Variants in PTPRD observed in about 807,000 individuals in gnomAD.
The protein encoded by PTPRD is protein tyrosine phosphatase receptor type D, also known as receptor-type tyrosine-protein phosphatase delta.
A neutral mutation model predicts 214.5 loss-of-function variants in PTPRD; 34 were observed. The ratio of observed to expected loss-of-function variants is 0.16; its 90% CI spans 0.12 to 0.21. The LOEUF is 0.21. Ranked by LOEUF, PTPRD falls within the 10% of genes least tolerant of loss-of-function variation. PTPRD has a pLI of 1.00. For synonymous variants in PTPRD, 1,128 were observed against 845.7 expected (o/e 1.33, Z -5.79); for missense variants, 2,545 against 2,398.7 (o/e 1.06, Z -1.27).
intron 12 of PTPRD, among the ~76,000 whole-genome samples, chr9:8,647,809 T>C (rs940564702): frequency 3.3e-5 from 5 of 152,238 alleles, no homozygotes; most frequent in African/African-American, 1.2e-4. Context: ...TCATTGGCCA[T>C]ATTTTTATCC....
chr9:9,686,588 G>T (rs1229874975), intron 7 of PTPRD, among the ~76,000 whole-genome samples: 1 of 151,602 alleles, frequency 6.6e-6, no homozygotes, highest in Non-Finnish European at 1.5e-5. Context: ...GGCAGCAGGA[G>T]AGAGACTTTT....
At chr9:9,175,688 T>G (rs1283006569) in intron 10 of PTPRD, among the ~76,000 whole-genome samples, 2 of 135,504 alleles carry the variant, frequency 1.5e-5, no homozygotes, top group Non-Finnish European at 3.2e-5. Context: ...GACTCAAAAA[T>G]ATACTATTTG....
At chr9:8,858,796 A>AACAC (rs71317379) in intron 11 of PTPRD, among the ~76,000 whole-genome samples, 24,154 of 141,594 alleles carry the variant, frequency 0.17, 2,072 homozygotes, top group South Asian at 0.27. Flanking sequence ...TGAAGGAGGC[A>AACAC]ACACACACAC....
At chr9:8,766,559 G>T (rs190119173) in intron 11 of PTPRD, among the ~76,000 whole-genome samples, 1 of 152,000 alleles carries the variant, frequency 6.6e-6, no homozygotes, top group Non-Finnish European at 1.5e-5. Flanking sequence ...ACAAATACAC[G>T]ACAATAAACA....
intron 5 of PTPRD, among the ~76,000 whole-genome samples, chr9:9,882,503 C>T (rs1311727055): frequency 1.3e-5 from 2 of 152,004 alleles, no homozygotes; most frequent in East Asian, 3.9e-4. Context: ...TATAAAAGGG[C>T]TCTACTTTAG....
At chr9:9,043,274 C>G (rs778313016) in intron 10 of PTPRD, among the ~76,000 whole-genome samples, 1 of 152,108 alleles carries the variant, frequency 6.6e-6, no homozygotes, top group Non-Finnish European at 1.5e-5. Flanking sequence ...AACATCTTGT[C>G]TTATATTAAC....
chr9:9,369,004 A>G (rs1027932632), intron 9 of PTPRD, among the ~76,000 whole-genome samples: 17 of 152,092 alleles, frequency 1.1e-4, no homozygotes, highest in South Asian at 4.1e-4. Flanking sequence ...GAGTGAGAAC[A>G]TGCGGTGTTT....
chr9:9,801,958 G>T (rs2099043340), intron 5 of PTPRD, among the ~76,000 whole-genome samples: 1 of 152,056 alleles, frequency 6.6e-6, no homozygotes, highest in African/African-American at 2.4e-5. Flanking sequence ...CAAGAATGGA[G>T]TCAGCTTGGA....
chr9:10,448,405 A>G (rs888434261), intron 2 of PTPRD, among the ~76,000 whole-genome samples: 1 of 151,982 alleles, frequency 6.6e-6, no homozygotes, highest in Non-Finnish European at 1.5e-5. Flanking sequence ...AATGGCTCCA[A>G]TGGCTCCTGC....
chr9:8,528,551 A>C, intron 15 of PTPRD, 40 bp downstream of exon 15: 6 of 1,540,644 alleles, frequency 3.9e-6, no homozygotes, highest in Non-Finnish European at 5.3e-6. Context: ...TAAAAAAAAA[A>C]ATTCTCTAGG....
chr9:9,581,126 G>A (rs139199047), intron 7 of PTPRD, among the ~76,000 whole-genome samples: 1,618 of 152,150 alleles, frequency 0.011, 17 homozygotes, highest in Non-Finnish European at 0.016. Flanking sequence ...TTATAGATCT[G>A]TAAGAATAGT....
At chr9:9,986,603 G>T (rs1023932828) in intron 4 of PTPRD, among the ~76,000 whole-genome samples, 1 of 151,972 alleles carries the variant, frequency 6.6e-6, no homozygotes, top group African/African-American at 2.4e-5. Context: ...CTTAATATGT[G>T]CATATATTAC....
Position 8,316,675 on chromosome 9 carries a change from GACTAACAA to G in PTPRD, c.*1191_*1198del. ...AAATATTGAACTTTGTTGGAAGCCT[GACTAACAA>G]ACAAACAAAACAATTTGTGGATGTG... On this transcript the variant is annotated 3_prime_UTR_variant, in exon 46 of 46. Transcript: ENST00000381196. 4.3e-6 allele frequency: 1 copy of G among 230,910 alleles called. No homozygotes were observed. Among genetic ancestry groups the G allele is most frequent in the Non-Finnish European group, 8.6e-6 (1 of 116,422 alleles). 14.3% of individuals were successfully genotyped at this position (230,910 alleles called of 1,614,324 possible). A position where few individuals can be genotyped will look rare whatever the true frequency, so the allele number is the denominator to read the frequency against.
At chr9:9,663,495 C>G (rs985650142) in intron 7 of PTPRD, among the ~76,000 whole-genome samples, 1 of 151,352 alleles carries the variant, frequency 6.6e-6, no homozygotes, top group African/African-American at 2.4e-5. Context: ...TTTTGTCTGT[C>G]TTCTCATTGG....
chr9:9,941,094 T>C lies in PTPRD; in HGVS notation c.-471-2484A>G, dbSNP rs540583359. Among the ~76,000 whole-genome samples the C allele has an allele frequency of 7.2e-5, 11 of 152,256 alleles. No homozygotes were observed. In the South Asian group the frequency reaches 1.7e-3, roughly 23 times the overall value. ...AAAAGAAAATTCCAAAAAAATCTCA[T>C]GTTTTCTCATGTTTTAAGAAAATTT... is the stretch of plus-strand genomic sequence containing the variant. On this transcript the variant is annotated intron_variant, in intron 4 of 45. Coordinates refer to ENST00000381196, the MANE Select transcript of PTPRD (RefSeq NM_002839.4).
At chr9:10,232,310 C>T (rs1594897143) in intron 3 of PTPRD, among the ~76,000 whole-genome samples, 1 of 151,838 alleles carries the variant, frequency 6.6e-6, no homozygotes, top group East Asian at 1.9e-4. Context: ...CTGAAATGAT[C>T]CACTAATCCA....
chr9:8,906,969 C>T (rs558945944), intron 11 of PTPRD, among the ~76,000 whole-genome samples: 1 of 151,972 alleles, frequency 6.6e-6, no homozygotes. Context: ...GCAAGGGGAA[C>T]CTGGAAGGGC....
intron 35 of PTPRD, among the ~76,000 whole-genome samples, chr9:8,408,475 G>C (rs2093233750): frequency 6.6e-6 from 1 of 152,020 alleles, no homozygotes; most frequent in Non-Finnish European, 1.5e-5. Flanking sequence ...CTGAAATCCT[G>C]GCCAGGCTTT....
chr9:10,030,836 T>C (rs897430228), intron 4 of PTPRD, among the ~76,000 whole-genome samples: 1 of 152,218 alleles, frequency 6.6e-6, no homozygotes, highest in African/African-American at 2.4e-5. Flanking sequence ...TCGGACTCTA[T>C]GGTTTGTCAT....
Sources: gnomAD v4.1 joint callset for allele counts (sites outside exome capture counted in the v4.1 genomes callset) on GRCh38, gnomAD v4.1.1 for gene constraint, MANE v1.5 for transcripts, NCBI Gene and HGNC (gene_info 2026-07-23, HGNC 2026-07-21) for gene names.